The following OR5V1 variants were observed in gnomAD, a reference collection of about 807,000 sequenced individuals.
The protein encoded by OR5V1 is olfactory receptor family 5 subfamily V member 1.
For missense variants in OR5V1, 365 were observed against 371.5 expected (o/e 0.98, Z 0.14); for synonymous variants, 134 against 143.2 (o/e 0.94, Z 0.46).
At chr6:29,363,680 C>T (rs1778694464) in intron 1 of OR5V1, among the ~76,000 whole-genome samples, 1 of 151,754 alleles carries the variant, frequency 6.6e-6, no homozygotes, top group African/African-American at 2.4e-5. Context: ...ATCACATAAA[C>T]AACCAATGAC....
At position 29,355,507 on chromosome 6, in the gene OR5V1, G is replaced by T; in HGVS notation, c.689C>A (p.Ser230Tyr). 1 of 1,613,840 alleles carries T rather than the reference G, an allele frequency of 6.2e-7. No homozygotes were observed. The highest frequency in any genetic ancestry group is 1.1e-5 in the South Asian group (1 of 91,060). The change falls in exon 2 of 2, where the codon TCC becomes TAC. Residue 230 changes from serine to tyrosine, a missense_variant. By Grantham distance (144) the Ser-to-Tyr change is moderately radical. Transcript: ENST00000641768. ...CIISTILRIQ[S>Y]SEGRRKAFST... ...GAAGGCTTTTCGTCTTCCCTCTGAG[G>T]ACTGGATCCTCAAGATGGTGGAGAT...
At position 29,355,695 on chromosome 6, in the gene OR5V1, G is replaced by T; in HGVS notation, c.501C>A (p.Pro167=). ...VVHTVLTFCL[P]FCGNNQINYF... is the part of the protein sequence containing the mutation. ...AATTAATCTGATTGTTGCCACAGAA[G>T]GGCAGGCAGAATGTCAACACTGTAT... is the stretch of plus-strand genomic sequence containing the variant. Residue 167 remains proline, a synonymous_variant, in exon 2 of 2, where the codon CCC becomes CCA. Coordinates refer to ENST00000641768, the MANE Select transcript of OR5V1 (RefSeq NM_030876.6). 6.2e-7 allele frequency: 1 copy of T among 1,614,050 alleles called. No individual in the cohort carries two copies. Among genetic ancestry groups the T allele is most frequent in the African/African-American group, 1.3e-5 (1 of 75,058 alleles).
chr6:29,355,586 C>A lies in OR5V1; in HGVS notation c.610G>T (p.Val204Phe). 2 of 1,613,904 alleles carry A rather than the reference C, an allele frequency of 1.2e-6. No individual in the cohort carries two copies. The highest frequency in any genetic ancestry group is 1.3e-5 in the African/African-American group (1 of 74,996). The change falls in exon 2 of 2, where the codon GTC (valine) becomes TTC (phenylalanine). Residue 204 changes from valine to phenylalanine, a missense_variant. Val to Phe is a conservative substitution (Grantham distance 50). Coordinates refer to ENST00000641768, the MANE Select transcript of OR5V1 (RefSeq NM_030876.6). ...AGGAAAGGAGTCCAACCAATGAAGA[C>A]CCCAGTGGATAGCAGTGCCAACTCA... ...VNELALLSTG[V>F]FIGWTPFLCI...
At chr6:29,368,538 CAGTT>C (rs1166889265) in intron 1 of OR5V1, 90 bp downstream of exon 1, 4 of 152,136 alleles carry the variant, frequency 2.6e-5, no homozygotes, top group Non-Finnish European at 5.9e-5. Context: ...ATCTCCTACA[CAGTT>C]AGTCTCATAT....
At chr6:29,363,353 C>T (rs1318143123) in intron 1 of OR5V1, among the ~76,000 whole-genome samples, 1 of 152,088 alleles carries the variant, frequency 6.6e-6, no homozygotes, top group Non-Finnish European at 1.5e-5. Flanking sequence ...GGATTCATGG[C>T]TGAATTCTAC....
Position 29,355,608 on chromosome 6 carries a change from C to T in OR5V1, c.588G>A (p.Glu196=), listed in dbSNP as rs779787701. Reference sequence around the variant, plus strand: ...AGACCCCAGTGGATAGCAGTGCCAACTCATTGACAGAAGTGTTTCCACAAG... The same window carrying T: ...AGACCCCAGTGGATAGCAGTGCCAATTCATTGACAGAAGTGTTTCCACAAG... ...ILSCGNTSVN[E]LALLSTGVFI... Residue 196 remains glutamate (E), a synonymous_variant, in exon 2 of 2, where the codon GAG becomes GAA. Coordinates refer to ENST00000641768, the MANE Select transcript of OR5V1 (RefSeq NM_030876.6). 1.9e-6 allele frequency: 3 copies of T among 1,613,968 alleles called. No individual in the cohort carries two copies. Among genetic ancestry groups the T allele is most frequent in the South Asian group, 2.2e-5 (2 of 91,082 alleles).
At chr6:29,368,184 G>GA (rs1475919671) in intron 1 of OR5V1, among the ~76,000 whole-genome samples, 2 of 152,138 alleles carry the variant, frequency 1.3e-5, no homozygotes, top group Non-Finnish European at 2.9e-5. Context: ...TAGCAAACGT[G>GA]AAAATCAGTG....
rs752110341 is a variant in OR5V1, at chr6:29,355,831, C to T, written c.365G>A (p.Arg122His). 5.0e-6 allele frequency: 8 copies of T among 1,613,854 alleles called. No homozygotes were observed. The highest frequency in any genetic ancestry group is 2.7e-5 in the African/African-American group (2 of 74,894). ...CLLLAAMAYDRYIAICNPLRY... is the reference protein window; with the variant it reads ...CLLLAAMAYDHYIAICNPLRY... ...TAAAGGATTGCAGATTGCAATGTAA[C>T]GATCATATGCCATTGCTGCCAGTAG... The change falls in exon 2 of 2, where the codon CGT (arginine) becomes CAT (histidine). Residue 122 changes from arginine (R) to histidine (H), a missense_variant. By Grantham distance (29) the Arg-to-His change is conservative. Coordinates refer to ENST00000641768, the MANE Select transcript of OR5V1 (RefSeq NM_030876.6).
In OR5V1 at chr6:29,355,271, G is replaced by T. The variant is rs1778198313; in HGVS notation, c.925C>A (p.Gln309Lys). 2 of 1,605,764 alleles carry T rather than the reference G, an allele frequency of 1.2e-6. No individual in the cohort carries two copies. Among genetic ancestry groups the T allele is most frequent in the Non-Finnish European group, 1.7e-6 (2 of 1,177,618 alleles). ...CTATCCAAAGAGGAAATTGGTGGCT[G>T]CCACTTGCTCCCTATAGTTTTGACA... ...EAVKTIGSKW[Q>K]PPISSLDSKL... Residue 309 changes from glutamine to lysine, a missense_variant, in exon 2 of 2, where the codon CAG becomes AAG. Transcript: ENST00000641768.
chr6:29,363,429 C>T (rs1778678256), intron 1 of OR5V1, among the ~76,000 whole-genome samples: 1 of 152,038 alleles, frequency 6.6e-6, no homozygotes, highest in African/African-American at 2.4e-5. Context: ...AAAAGAGGGA[C>T]TCCTCTCTAG....
At chr6:29,357,558 C>G (rs1335320457) in intron 1 of OR5V1, among the ~76,000 whole-genome samples, 1 of 152,134 alleles carries the variant, frequency 6.6e-6, no homozygotes, top group Non-Finnish European at 1.5e-5. Context: ...CTATTTCTGA[C>G]TGTTAATGGC....
chr6:29,362,213 G>T (rs1226759882), intron 1 of OR5V1, among the ~76,000 whole-genome samples: 1 of 152,098 alleles, frequency 6.6e-6, no homozygotes, highest in Non-Finnish European at 1.5e-5. Context: ...AATGGTAAAG[G>T]GATCAATGCA....
chr6:29,361,755 G>A (rs773974171), intron 1 of OR5V1, among the ~76,000 whole-genome samples: 1 of 152,004 alleles, frequency 6.6e-6, no homozygotes, highest in Non-Finnish European at 1.5e-5. Context: ...TCACCACCAG[G>A]CCTGCTTTAC....
chr6:29,361,221 A>T (rs544838594), intron 1 of OR5V1, among the ~76,000 whole-genome samples: 1 of 152,308 alleles, frequency 6.6e-6, no homozygotes, highest in South Asian at 2.1e-4. Flanking sequence ...GTGTGAAGAC[A>T]ATATTAGAGA....
At chr6:29,366,476 C>A (rs988707680) in intron 1 of OR5V1, among the ~76,000 whole-genome samples, 1 of 151,806 alleles carries the variant, frequency 6.6e-6, no homozygotes, top group African/African-American at 2.4e-5. Context: ...ACTAGAGATA[C>A]GAATTTGTAA....
chr6:29,355,824 A>C lies in OR5V1; in HGVS notation c.372T>G (p.Ile124Met). The C allele has an allele frequency of 6.2e-7, 1 of 1,614,102 alleles. No individual in the cohort carries two copies. The highest frequency in any genetic ancestry group is 8.5e-7 in the Non-Finnish European group (1 of 1,179,974). ...LLAAMAYDRY[I>M]AICNPLRYSV... is the part of the protein sequence containing the mutation. ...AATACCTTAAAGGATTGCAGATTGC[A>C]ATGTAACGATCATATGCCATTGCTG... is the stretch of plus-strand genomic sequence containing the variant. Residue 124 changes from isoleucine (I) to methionine (M), a missense_variant, in exon 2 of 2, where the codon ATT (isoleucine) becomes ATG (methionine). Ile to Met is a conservative substitution (Grantham distance 10, BLOSUM62 1). Transcript: ENST00000641768.
In OR5V1 at chr6:29,355,811, G is replaced by A. The variant is rs1273461350; in HGVS notation, c.385C>T (p.Pro129Ser). The change falls in exon 2 of 2, where the codon CCT becomes TCT. Residue 129 changes from proline (P) to serine (S), a missense_variant. Pro to Ser is a moderately conservative substitution (Grantham distance 74). Coordinates refer to ENST00000641768, the MANE Select transcript of OR5V1 (RefSeq NM_030876.6). ...CTCAGAATAACTGAATACCTTAAAG[G>A]ATTGCAGATTGCAATGTAACGATCA... ...AYDRYIAICN[P>S]LRYSVILSKV... 6 of 1,614,050 alleles carry A rather than the reference G, an allele frequency of 3.7e-6. No individual in the cohort carries two copies. The highest frequency in any genetic ancestry group is 5.1e-6 in the Non-Finnish European group (6 of 1,179,962).
Position 29,354,321 on chromosome 6 carries a change from CT to C in OR5V1, c.*908del, listed in dbSNP as rs1201460799. 6.6e-6 allele frequency: 1 copy of C among 151,936 alleles called. No homozygotes were observed. Among genetic ancestry groups the C allele is most frequent in the Non-Finnish European group, 1.5e-5 (1 of 67,938 alleles). The allele number at this position is 151,936 out of a possible 1,614,324, so 9.4% of individuals were successfully genotyped here. A position where few individuals can be genotyped will look rare whatever the true frequency, so the allele number is the denominator to read the frequency against. The stretch of plus-strand genomic sequence containing the variant: ...CCACTTAGTCTTCCTTCCCATTTGT[CT>C]TGACTTCATAACTGTACTTTACATG... On this transcript the variant is annotated 3_prime_UTR_variant, in exon 2 of 2. Coordinates refer to ENST00000641768, the MANE Select transcript of OR5V1 (RefSeq NM_030876.6).
chr6:29,359,773 G>A (rs1359664624), intron 1 of OR5V1, among the ~76,000 whole-genome samples: 1 of 152,138 alleles, frequency 6.6e-6, no homozygotes, highest in Non-Finnish European at 1.5e-5. Context: ...CACGGTTTTT[G>A]CAATCCGCAG....
Sources: gnomAD v4.1 joint callset for allele counts (sites outside exome capture counted in the v4.1 genomes callset) on GRCh38, gnomAD v4.1.1 for gene constraint, MANE v1.5 for transcripts, NCBI Gene and HGNC (gene_info 2026-07-23, HGNC 2026-07-21) for gene names.